LRMDA: variants seen among roughly 807,000 people sequenced by gnomAD.
The protein encoded by LRMDA is leucine-rich melanocyte differentiation-associated protein.
LRMDA carries 18 observed loss-of-function variants against 29.8 expected under a neutral mutation model. The ratio of observed to expected loss-of-function variants is 0.60; its 90% CI spans 0.42 to 0.90. The LOEUF is 0.90. Ranked by LOEUF, LRMDA falls within the 40% of genes least tolerant of loss-of-function variation. The probability of loss-of-function intolerance (pLI) is 0.00; values close to 1 mark genes in which losing one functional copy is unlikely to be tolerated. For missense variants in LRMDA, 273 were observed against 273.9 expected, an observed-to-expected ratio of 1.00 and a Z score of 0.02; for synonymous variants, 125 against 109.4, an observed-to-expected ratio of 1.14 and a Z score of -0.89.
intron 6 of LRMDA, among the ~76,000 whole-genome samples, chr10:76,458,869 T>C (rs1316557418): frequency 6.6e-6 from 1 of 152,044 alleles, no homozygotes; most frequent in Non-Finnish European, 1.5e-5. Context: ...GATGCACAGA[T>C]ACAAATAAGG....
intron 2 of LRMDA, among the ~76,000 whole-genome samples, chr10:75,543,702 TTTTTA>T (rs1361716024): frequency 6.6e-6 from 1 of 152,194 alleles, no homozygotes; most frequent in Non-Finnish European, 1.5e-5. Context: ...CAAAGATTTA[TTTTTA>T]TTTTTTTCCT....
At chr10:76,297,180 G>A (rs1383510688) in intron 5 of LRMDA, among the ~76,000 whole-genome samples, 1 of 152,144 alleles carries the variant, frequency 6.6e-6, no homozygotes, top group Non-Finnish European at 1.5e-5. Flanking sequence ...ATTGATTGAT[G>A]AGTTCTTAAA....
chr10:76,223,524 A>T (rs1461468236), intron 5 of LRMDA, among the ~76,000 whole-genome samples: 2 of 152,168 alleles, frequency 1.3e-5, no homozygotes, highest in East Asian at 1.9e-4. Context: ...CTGCAATGTG[A>T]TGGTAATAGG....
chr10:76,551,578 A>G (rs1304047128), intron 6 of LRMDA, among the ~76,000 whole-genome samples: 2 of 152,214 alleles, frequency 1.3e-5, no homozygotes, highest in Non-Finnish European at 2.9e-5. Context: ...AAGGGCTTAC[A>G]ACTTCAGATA....
At chr10:76,328,018 A>G (rs954373647) in intron 6 of LRMDA, among the ~76,000 whole-genome samples, 4 of 152,238 alleles carry the variant, frequency 2.6e-5, no homozygotes, top group Admixed American at 2.0e-4. Context: ...GGAAGGGGTC[A>G]GACTCTCAGT....
At chr10:75,755,420 T>C (rs1396995749) in intron 2 of LRMDA, among the ~76,000 whole-genome samples, 2 of 152,076 alleles carry the variant, frequency 1.3e-5, no homozygotes, top group African/African-American at 4.8e-5. Flanking sequence ...TTAGTTGGGG[T>C]TGGGGGCAAG....
chr10:76,379,703 T>C (rs1002992038), intron 6 of LRMDA, among the ~76,000 whole-genome samples: 5 of 152,158 alleles, frequency 3.3e-5, no homozygotes, highest in South Asian at 4.1e-4. Flanking sequence ...TTTTTGATTT[T>C]AATTTTATTT....
At chr10:76,339,304 A>G (rs957150215) in intron 6 of LRMDA, among the ~76,000 whole-genome samples, 3 of 151,908 alleles carry the variant, frequency 2.0e-5, no homozygotes, top group African/African-American at 7.2e-5. Flanking sequence ...GAGGTAAGAA[A>G]AAGAACTATA....
intron 2 of LRMDA, among the ~76,000 whole-genome samples, chr10:75,502,426 ATT>A (rs5786178): frequency 6.7e-6 from 1 of 148,594 alleles, no homozygotes; most frequent in Non-Finnish European, 1.5e-5. Flanking sequence ...TGCCTTTTAG[ATT>A]TTTTTTTTTT....
At chr10:75,710,293 A>G (rs932271350) in intron 2 of LRMDA, among the ~76,000 whole-genome samples, 3 of 152,178 alleles carry the variant, frequency 2.0e-5, no homozygotes, top group Non-Finnish European at 2.9e-5. Context: ...TCTCAGCTGG[A>G]TATCTATCAA....
At chr10:75,750,336 G>A (rs1842943190) in intron 2 of LRMDA, among the ~76,000 whole-genome samples, 1 of 151,844 alleles carries the variant, frequency 6.6e-6, no homozygotes, top group African/African-American at 2.4e-5. Context: ...CAGCTGCTGG[G>A]CGGAGGGGCT....
chr10:75,587,762 C>T lies in LRMDA; in HGVS notation c.131+149268C>T, dbSNP rs142803918. Among the ~76,000 whole-genome samples the T allele has an allele frequency of 4.9e-3, 742 of 152,322 alleles. 6 individuals carry two copies. Among genetic ancestry groups the T allele is most frequent in the African/African-American group, 0.017 (699 of 41,562 alleles). Reference sequence around the variant, plus strand: ...TGGAAGATGGGTGGCCCCAATCTAACGTGATAGAGTGCTGGTCCCTATGGA... The same window carrying T: ...TGGAAGATGGGTGGCCCCAATCTAATGTGATAGAGTGCTGGTCCCTATGGA... On this transcript the variant is annotated intron_variant, in intron 2 of 6. Coordinates refer to ENST00000611255, the MANE Select transcript of LRMDA (RefSeq NM_001305581.2).
intron 5 of LRMDA, among the ~76,000 whole-genome samples, chr10:76,269,104 G>T (rs1324625475): frequency 6.6e-6 from 1 of 151,928 alleles, no homozygotes; most frequent in East Asian, 1.9e-4. Context: ...GCTGCTCCCG[G>T]GGTCGTAGTT....
chr10:75,963,697 C>G (rs1846807800), intron 2 of LRMDA, among the ~76,000 whole-genome samples: 1 of 152,118 alleles, frequency 6.6e-6, no homozygotes, highest in South Asian at 2.1e-4. Context: ...GGAATGAGAC[C>G]TGTTGTACCT....
intron 5 of LRMDA, among the ~76,000 whole-genome samples, chr10:76,255,236 G>A (rs1393951525): frequency 6.6e-6 from 1 of 152,078 alleles, no homozygotes; most frequent in Non-Finnish European, 1.5e-5. Flanking sequence ...AACTTTTGAA[G>A]GCTAAGAAAG....
intron 5 of LRMDA, among the ~76,000 whole-genome samples, chr10:76,097,319 C>T (rs1849328395): frequency 6.6e-6 from 1 of 152,158 alleles, no homozygotes; most frequent in South Asian, 2.1e-4. Flanking sequence ...CTTCATGTTG[C>T]TTTTAAATAG....
intron 2 of LRMDA, among the ~76,000 whole-genome samples, chr10:75,915,766 A>T (rs1845922266): frequency 6.6e-6 from 1 of 152,144 alleles, no homozygotes; most frequent in Non-Finnish European, 1.5e-5. Context: ...GTTGAGTGAG[A>T]CATGGTCCAC....
chr10:75,450,916 G>T (rs1046207405), intron 2 of LRMDA: 1 of 152,204 alleles, frequency 6.6e-6, no homozygotes, highest in African/African-American at 2.4e-5. Context: ...TAGAATAAAA[G>T]ATTTCTTTGA....
intron 5 of LRMDA, among the ~76,000 whole-genome samples, chr10:76,266,355 T>G (rs1229415515): frequency 6.6e-6 from 1 of 152,210 alleles, no homozygotes; most frequent in Non-Finnish European, 1.5e-5. Flanking sequence ...AGGACAGGAT[T>G]ACCTGTTAGC....
Sources: gnomAD v4.1 joint callset for allele counts (sites outside exome capture counted in the v4.1 genomes callset) on GRCh38, gnomAD v4.1.1 for gene constraint, MANE v1.5 for transcripts, NCBI Gene and HGNC (gene_info 2026-07-23, HGNC 2026-07-21) for gene names.